The following FABP4 variants were observed in gnomAD, a reference collection of about 807,000 sequenced individuals.
FABP4 encodes the protein fatty acid-binding protein, adipocyte.
A neutral mutation model predicts 14.6 loss-of-function variants in FABP4; 17 were observed. The observed-to-expected ratio is 1.16, with a 90% CI of 0.80 to 1.74. FABP4 has a LOEUF of 1.74. Ranked by LOEUF, FABP4 falls within the 40% of genes most tolerant of loss-of-function variation. FABP4 has a pLI of 0.00. For missense variants in FABP4, 149 were observed against 160.3 expected, an observed-to-expected ratio of 0.93 and a Z score of 0.38; for synonymous variants, 54 against 54.6, an observed-to-expected ratio of 0.99 and a Z score of 0.05.
chr8:81,481,815 C>T (rs538706651), intron 1 of FABP4, among the ~76,000 whole-genome samples: 1 of 152,194 alleles, frequency 6.6e-6, no homozygotes, highest in East Asian at 1.9e-4. Context: ...TGGGAAAAAC[C>T]AGTCTCCATT....
chr8:81,481,066 A>G (rs1037384166), intron 1 of FABP4, among the ~76,000 whole-genome samples: 1 of 152,212 alleles, frequency 6.6e-6, no homozygotes, highest in Non-Finnish European at 1.5e-5. Flanking sequence ...AATTTTCAAC[A>G]GAATTTTGGG....
chr8:81,482,309 G>C (rs1464773891), intron 1 of FABP4, among the ~76,000 whole-genome samples: 1 of 152,170 alleles, frequency 6.6e-6, no homozygotes, highest in Non-Finnish European at 1.5e-5. Context: ...GGGGTTGAGG[G>C]AGAAAGGTTT....
Position 81,480,440 on chromosome 8 carries a change from C to A in FABP4, c.232G>T (p.Asp78Tyr), listed in dbSNP as rs770588259. Residue 78 changes from aspartate to tyrosine, a missense_variant, in exon 2 of 4, where the codon GAC becomes TAC. Physicochemically the swap from Asp to Tyr is radical, Grantham distance 160 (BLOSUM62 -3). Transcript: ENST00000256104. ...TTATTTCTCACCTTGACTTTCCTGT[C>A]ATCTGCAGTGACTTCGTCAAATTCC... ...GQEFDEVTAD[D>Y]RKVKSTITLD... 1 of 1,613,500 alleles carries A rather than the reference C, an allele frequency of 6.2e-7. No homozygotes were observed.
chr8:81,480,583 G>A lies in FABP4; in HGVS notation c.89C>T (p.Thr30Ile), dbSNP rs200054324. Residue 30 changes from threonine (T) to isoleucine (I), a missense_variant, in exon 2 of 4, where the codon ACC becomes ATC. Thr to Ile is a moderately conservative substitution (Grantham distance 89). Coordinates refer to ENST00000256104, the MANE Select transcript of FABP4 (RefSeq NM_001442.3). ...YMKEVGVGFA[T>I]RKVAGMAKPN... ...TTTGGCCATGCCAGCCACTTTCCTG[G>A]TGGCAAAGCCCACTCCTACAGTTAG... The A allele has an allele frequency of 1.9e-5, 31 of 1,611,242 alleles. No homozygotes were observed. The highest frequency in any genetic ancestry group is 1.7e-4 in the Middle Eastern group (1 of 6,048).
At chr8:81,480,768 TAAAAA>T in intron 1 of FABP4, among the ~76,000 whole-genome samples, 170 bp from the exon 2 acceptor site, 1 of 130,298 alleles carries the variant, frequency 7.7e-6, no homozygotes, top group South Asian at 2.5e-4. Context: ...GGCCAATACT[TAAAAA>T]AAAAAAAAAA....
In FABP4 at chr8:81,479,498, A is replaced by G. The variant is rs1808033760; in HGVS notation, c.264T>C (p.Asp88=). Residue 88 remains aspartate, a synonymous_variant, in exon 3 of 4, where the codon GAT becomes GAC. Transcript: ENST00000256104. ...DRKVKSTITL[D]GGVLVHVQKW... The stretch of plus-strand genomic sequence containing the variant: ...TCTGCACATGTACCAGGACACCCCC[A>G]TCTAAGGTTATGGTGCTCTGTAGGC... The G allele has an allele frequency of 6.2e-7, 1 of 1,612,966 alleles. No homozygotes were observed. Among genetic ancestry groups the G allele is most frequent in the South Asian group, 1.1e-5 (1 of 91,056 alleles).
intron 1 of FABP4, among the ~76,000 whole-genome samples, chr8:81,481,455 A>G (rs1326226077): frequency 2.0e-5 from 3 of 152,216 alleles, no homozygotes; most frequent in South Asian, 4.1e-4. Context: ...TGTGCAAGGT[A>G]TGGAATGAAT....
rs1563527638 is a variant in FABP4, at chr8:81,479,396, T to C, written c.348+18A>G. The C allele has an allele frequency of 1.9e-6, 3 of 1,579,148 alleles. No homozygotes were observed. The highest frequency in any genetic ancestry group is 1.7e-6 in the Non-Finnish European group (2 of 1,149,050). ...CCTAGCAGTAAGATCCAGAATTAAG[T>C]AGCTAGAAGATACTCACCACCACCA... On this transcript the variant is annotated intron_variant, in intron 3 of 3. Transcript: ENST00000256104.
chr8:81,480,414 C>T lies in FABP4; in HGVS notation c.246+12G>A, dbSNP rs780959484. ...CCAGGCATGTACTCTGTGCCACTTCCTTATTTCTCACCTTGACTTTCCTGT... is the reference window on the plus strand; with the variant it reads ...CCAGGCATGTACTCTGTGCCACTTCTTTATTTCTCACCTTGACTTTCCTGT... On this transcript the variant is annotated intron_variant, in intron 2 of 3. Coordinates refer to ENST00000256104, the MANE Select transcript of FABP4 (RefSeq NM_001442.3). 8.1e-6 allele frequency: 13 copies of T among 1,612,262 alleles called. No homozygotes were observed. The African/African-American group carries it at 1.7e-4, about 22-fold the overall frequency.
At chr8:81,479,538 T>A in intron 2 of FABP4, 23 bp from the exon 3 acceptor site, 1 of 1,586,946 alleles carries the variant, frequency 6.3e-7, no homozygotes, top group Non-Finnish European at 8.6e-7. Context: ...GAAAATGTAA[T>A]GACAATGTGC....
At chr8:81,479,212 C>T (rs1585810854) in intron 3 of FABP4, among the ~76,000 whole-genome samples, 1 of 152,090 alleles carries the variant, frequency 6.6e-6, no homozygotes, top group Non-Finnish European at 1.5e-5. Context: ...TGGAAGCAGG[C>T]AGAGAATGCT....
At position 81,478,834 on chromosome 8, in the gene FABP4, C is replaced by A. The variant is rs763235334; in HGVS notation, c.*31G>T. The stretch of plus-strand genomic sequence containing the variant: ...CCACAGAATGTTGTAGAGTTCAATG[C>A]GAACTTCAGTCCAGGTCAACGTCCC... On this transcript the variant is annotated 3_prime_UTR_variant, in exon 4 of 4. Transcript: ENST00000256104. 4 of 1,597,384 alleles carry A rather than the reference C, an allele frequency of 2.5e-6. No individual in the cohort carries two copies. The South Asian group carries it at 3.4e-5, about 13-fold the overall frequency.
At chr8:81,481,224 A>G (rs1243297070) in intron 1 of FABP4, among the ~76,000 whole-genome samples, 1 of 152,200 alleles carries the variant, frequency 6.6e-6, no homozygotes, top group African/African-American at 2.4e-5. Context: ...AATTTCTACA[A>G]AAGGCAAAAT....
Position 81,478,763 on chromosome 8 carries a change from C to A in FABP4, c.*102G>T. ...AATCAGCTTGGGAGAAAATTAGTTG[C>A]TTGCTAAATCATGGAAAACAACAAT... On this transcript the variant is annotated 3_prime_UTR_variant, in exon 4 of 4. Transcript: ENST00000256104. The A allele has an allele frequency of 9.2e-7, 1 of 1,090,282 alleles. No individual in the cohort carries two copies. Among genetic ancestry groups the A allele is most frequent in the South Asian group, 1.8e-5 (1 of 56,326 alleles). 67.5% of individuals were successfully genotyped at this position (1,090,282 alleles called of 1,614,324 possible). A position where few individuals can be genotyped will look rare whatever the true frequency, so the allele number is the denominator to read the frequency against.
Position 81,480,465 on chromosome 8 carries a change from C to T in FABP4, c.207G>A (p.Gln69=), listed in dbSNP as rs1314893059. 5.6e-6 allele frequency: 9 copies of T among 1,613,772 alleles called. No homozygotes were observed. The highest frequency in any genetic ancestry group is 5.9e-6 in the Non-Finnish European group (7 of 1,179,762). Residue 69 remains glutamine (Q), a synonymous_variant, in exon 2 of 4, where the codon CAG becomes CAA. Coordinates refer to ENST00000256104, the MANE Select transcript of FABP4 (RefSeq NM_001442.3). ...KNTEISFILG[Q]EFDEVTADDR... Reference sequence around the variant, plus strand: ...CATCTGCAGTGACTTCGTCAAATTCCTGGCCCAGTATGAAGGAAATCTCAG... The same window carrying T: ...CATCTGCAGTGACTTCGTCAAATTCTTGGCCCAGTATGAAGGAAATCTCAG...
Position 81,481,925 on chromosome 8 carries a change from A to G in FABP4, c.73+1170T>C, listed in dbSNP as rs889497888. ...TGCAGAAGGTGTTTTATTGACTTTAATTATAATCAGCCCTTTATAATTTAA... is the reference window on the plus strand; with the variant it reads ...TGCAGAAGGTGTTTTATTGACTTTAGTTATAATCAGCCCTTTATAATTTAA... On this transcript the variant is annotated intron_variant, in intron 1 of 3. Transcript: ENST00000256104. Among the ~76,000 whole-genome samples, 4 of 152,178 alleles carry G rather than the reference A, an allele frequency of 2.6e-5. No homozygotes were observed. In the East Asian group the frequency reaches 7.7e-4, roughly 29 times the overall value.
chr8:81,483,061 A>G, intron 1 of FABP4, 34 bp downstream of exon 1: 1 of 1,531,834 alleles, frequency 6.5e-7, no homozygotes, highest in Non-Finnish European at 8.9e-7. Context: ...AGAAAATATT[A>G]TAAATCCAGT....
intron 2 of FABP4, chr8:81,479,741 T>C (rs2129794020): frequency 8.7e-6 from 3 of 346,124 alleles, no homozygotes; most frequent in Non-Finnish European, 1.6e-5. Context: ...AAAATTACTG[T>C]GAAGGAATAT....
At position 81,479,499 on chromosome 8, in the gene FABP4, T is replaced by G. The variant is rs765768483; in HGVS notation, c.263A>C (p.Asp88Ala). The G allele has an allele frequency of 1.1e-5, 17 of 1,613,056 alleles. No homozygotes were observed. The highest frequency in any genetic ancestry group is 1.4e-5 in the Non-Finnish European group (17 of 1,179,246). ...CTGCACATGTACCAGGACACCCCCATCTAAGGTTATGGTGCTCTGTAGGCA... is the reference window on the plus strand; with the variant it reads ...CTGCACATGTACCAGGACACCCCCAGCTAAGGTTATGGTGCTCTGTAGGCA... Reference protein sequence around the residue: ...DRKVKSTITLDGGVLVHVQKW... With the variant: ...DRKVKSTITLAGGVLVHVQKW... Residue 88 changes from aspartate to alanine, a missense_variant, in exon 3 of 4, where the codon GAT (aspartate) becomes GCT (alanine). Coordinates refer to ENST00000256104, the MANE Select transcript of FABP4 (RefSeq NM_001442.3).
Sources: allele counts gnomAD v4.1 joint callset (sites outside exome capture counted in the v4.1 genomes callset), GRCh38; gene constraint gnomAD v4.1.1; transcripts MANE v1.5; gene names NCBI Gene and HGNC (gene_info 2026-07-23, HGNC 2026-07-21).